MCC: variants seen among roughly 807,000 people sequenced by gnomAD.
The protein encoded by MCC is colorectal mutant cancer protein.
A neutral mutation model predicts 116.2 loss-of-function variants in MCC; 90 were observed. The ratio of observed to expected loss-of-function variants is 0.77; its 90% CI spans 0.65 to 0.92. The LOEUF is 0.92. Ranked by LOEUF, MCC falls within the 40% of genes least tolerant of loss-of-function variation. MCC has a pLI of 0.00. For missense variants in MCC, 1,516 were observed against 1,312.2 expected (o/e 1.16, Z -2.40); for synonymous variants, 578 against 510.5 (o/e 1.13, Z -1.78).
chr5:113,406,180 AT>A (rs1387546237), intron 1 of MCC, among the ~76,000 whole-genome samples: 1 of 152,238 alleles, frequency 6.6e-6, no homozygotes, highest in East Asian at 1.9e-4. Context: ...ATCCTGAGAA[AT>A]TATGATGAAG....
intron 1 of MCC, among the ~76,000 whole-genome samples, chr5:113,477,414 A>G (rs1480442785): frequency 2.0e-5 from 3 of 152,228 alleles, no homozygotes; most frequent in African/African-American, 7.2e-5. Flanking sequence ...TTACCGTTTC[A>G]CCTAAAACAG....
chr5:113,062,812 T>C (rs978749191), intron 14 of MCC, among the ~76,000 whole-genome samples: 1 of 152,126 alleles, frequency 6.6e-6, no homozygotes, highest in Non-Finnish European at 1.5e-5. Flanking sequence ...CCTGGGCCAG[T>C]AGAGGTAAAT....
At chr5:113,223,709 A>G (rs902760010) in intron 3 of MCC, among the ~76,000 whole-genome samples, 3 of 152,220 alleles carry the variant, frequency 2.0e-5, no homozygotes, top group Admixed American at 6.5e-5. Context: ...CGATCTACAA[A>G]GAAGGGCAGA....
At chr5:113,313,889 C>T (rs1415958515) in intron 3 of MCC, among the ~76,000 whole-genome samples, 1 of 151,718 alleles carries the variant, frequency 6.6e-6, no homozygotes, top group Non-Finnish European at 1.5e-5. Context: ...GGTGTGATCA[C>T]AGCTCACTGC....
chr5:113,089,291 G>C (rs780837390), intron 8 of MCC, among the ~76,000 whole-genome samples: 13 of 152,220 alleles, frequency 8.5e-5, no homozygotes, highest in Non-Finnish European at 1.9e-4. Flanking sequence ...CTTGAAGGCT[G>C]AACTGTTCAA....
intron 3 of MCC, among the ~76,000 whole-genome samples, chr5:113,324,008 A>G (rs1767486449): frequency 6.6e-6 from 1 of 152,230 alleles, no homozygotes; most frequent in African/African-American, 2.4e-5. Context: ...GAAAGATTTG[A>G]AAGTATTAGG....
At chr5:113,339,718 G>A (rs148239298) in intron 3 of MCC, among the ~76,000 whole-genome samples, 70 of 152,342 alleles carry the variant, frequency 4.6e-4, no homozygotes, top group African/African-American at 1.6e-3. Flanking sequence ...CACCAAAAGT[G>A]TCAGAATTAG....
intron 14 of MCC, among the ~76,000 whole-genome samples, chr5:113,061,314 A>G (rs56347383): frequency 0.26 from 40,128 of 152,160 alleles, 5,694 homozygotes; most frequent in Non-Finnish European, 0.34. Flanking sequence ...TCTTGGCCAC[A>G]GTTCCTTTGT....
At chr5:113,203,398 C>T (rs1249245896) in intron 3 of MCC, 2 of 152,424 alleles carry the variant, frequency 1.3e-5, no homozygotes, top group Admixed American at 1.3e-4. Flanking sequence ...GGATCTCATT[C>T]CTCTCAATCG....
At chr5:113,242,538 G>GT (rs72062039) in intron 3 of MCC, among the ~76,000 whole-genome samples, 73 of 150,224 alleles carry the variant, frequency 4.9e-4, no homozygotes, top group Admixed American at 1.0e-3. Flanking sequence ...TTAATTATTA[G>GT]TTTTTTTTTT....
intron 1 of MCC, among the ~76,000 whole-genome samples, chr5:113,438,420 G>C (rs995073951): frequency 1.3e-5 from 2 of 151,622 alleles, no homozygotes; most frequent in Admixed American, 6.6e-5. Flanking sequence ...AAAGTAACTT[G>C]ATCTGTAAAA....
intron 2 of MCC, among the ~76,000 whole-genome samples, chr5:113,346,636 A>T (rs201994029): frequency 9.1e-6 from 1 of 109,984 alleles, no homozygotes; most frequent in Admixed American, 1.3e-4. Context: ...ACAACAACAA[A>T]AAAAACAACA....
intron 3 of MCC, among the ~76,000 whole-genome samples, chr5:113,185,838 C>A (rs550794406): frequency 2.6e-5 from 4 of 152,112 alleles, no homozygotes; most frequent in African/African-American, 9.7e-5. Flanking sequence ...TGACACTCTG[C>A]AATCTTAGGG....
At chr5:113,068,444 C>T (rs1753779462) in intron 12 of MCC, among the ~76,000 whole-genome samples, 1 of 152,158 alleles carries the variant, frequency 6.6e-6, no homozygotes, top group African/African-American at 2.4e-5. Context: ...TGTGTCGTCC[C>T]TTCAGTGACC....
At chr5:113,320,452 C>CAAA (rs5870537) in intron 3 of MCC, among the ~76,000 whole-genome samples, 1,554 of 132,396 alleles carry the variant, frequency 0.012, 49 homozygotes, top group African/African-American at 0.041. Context: ...AGACTCATTG[C>CAAA]AAAAAAAAAA....
intron 3 of MCC, among the ~76,000 whole-genome samples, chr5:113,216,925 A>G (rs1309817566): frequency 6.6e-6 from 1 of 152,222 alleles, no homozygotes; most frequent in Non-Finnish European, 1.5e-5. Context: ...GAAACCAATA[A>G]TATGTGTAAA....
intron 1 of MCC, among the ~76,000 whole-genome samples, chr5:113,406,476 G>A (rs979934140): frequency 1.8e-4 from 27 of 152,102 alleles, no homozygotes; most frequent in African/African-American, 5.3e-4. Flanking sequence ...CCGTATAAAC[G>A]TAACGCAGAT....
At chr5:113,148,260 T>G (rs553095173) in intron 4 of MCC, among the ~76,000 whole-genome samples, 2 of 152,332 alleles carry the variant, frequency 1.3e-5, no homozygotes, top group African/African-American at 4.8e-5. Flanking sequence ...GCCAGTAAGT[T>G]TATGGCAATT....
At chr5:113,456,372 T>G (rs991381613) in intron 1 of MCC, among the ~76,000 whole-genome samples, 1 of 152,204 alleles carries the variant, frequency 6.6e-6, no homozygotes, top group Admixed American at 6.5e-5. Flanking sequence ...ACTTTGAACT[T>G]TTTCAGATTT....
Sources: allele counts gnomAD v4.1 joint callset (sites outside exome capture counted in the v4.1 genomes callset), GRCh38; gene constraint gnomAD v4.1.1; transcripts MANE v1.5; gene names NCBI Gene and HGNC (gene_info 2026-07-23, HGNC 2026-07-21).